GPHN: variants seen among roughly 807,000 people sequenced by gnomAD.
The protein encoded by GPHN is gephyrin.
Under a neutral mutation model 95.5 loss-of-function variants are expected in GPHN, and 17 were observed. The observed-to-expected ratio is 0.18, with a 90% CI of 0.12 to 0.27. The LOEUF (loss-of-function observed/expected upper bound fraction) is 0.27. Among genes scored for constraint, GPHN ranks in the 10% least tolerant of loss-of-function variants. The pLI is 1.00. For missense variants in GPHN, 660 were observed against 978.1 expected (o/e 0.67, Z 4.34); for synonymous variants, 320 against 322.5 (o/e 0.99, Z 0.08).
the GPHN span, among the ~76,000 whole-genome samples, chr14:67,325,926 A>G: frequency 6.7e-6 from 1 of 149,564 alleles, no homozygotes; most frequent in Non-Finnish European, 1.5e-5. Flanking sequence ...CTTCTGCCTC[A>G]GCCTCCCGAG....
chr14:66,712,139 A>G (rs1320105542), intron 2 of GPHN, among the ~76,000 whole-genome samples: 3 of 152,164 alleles, frequency 2.0e-5, no homozygotes, highest in Admixed American at 6.6e-5. Flanking sequence ...TGGTATTTCT[A>G]GTTCTAGATC....
intron 1 of GPHN, among the ~76,000 whole-genome samples, chr14:66,614,652 A>ATT (rs996243981): frequency 5.0e-4 from 75 of 149,894 alleles, no homozygotes; most frequent in Non-Finnish European, 7.1e-4. Flanking sequence ...AATAGTGCAT[A>ATT]TTTTTTGTCT....
intron 2 of GPHN, among the ~76,000 whole-genome samples, chr14:66,751,328 G>A (rs761869485): frequency 6.6e-6 from 1 of 151,902 alleles, no homozygotes; most frequent in African/African-American, 2.4e-5. Context: ...TAAGCATTCT[G>A]TTTTCTCTGC....
At chr14:67,323,615 A>AATATATATATATATATATAT in the GPHN span, 1,034 of 259,902 alleles carry the variant, frequency 4.0e-3, 7 homozygotes, top group Non-Finnish European at 5.3e-3. Flanking sequence ...CCCTTAATCT[A>AATATATATATATATATATAT]ATATATATAT....
chr14:67,344,808 G>A, the GPHN span, among the ~76,000 whole-genome samples: 1 of 151,846 alleles, frequency 6.6e-6, no homozygotes, highest in South Asian at 2.1e-4. Context: ...TTGAGCCCAG[G>A]AGATCCAGGC....
chr14:67,539,000 A>G, the GPHN span, among the ~76,000 whole-genome samples: 1 of 152,224 alleles, frequency 6.6e-6, no homozygotes, highest in African/African-American at 2.4e-5. Flanking sequence ...AGAGGGAATC[A>G]ATATTAATCA....
the GPHN span, chr14:67,722,504 T>C: frequency 5.0e-6 from 4 of 793,290 alleles, no homozygotes; most frequent in Non-Finnish European, 9.2e-6. Context: ...GTCAGGCTGC[T>C]GCTCAGCACC....
At chr14:67,215,513 AAAC>A in the GPHN span, among the ~76,000 whole-genome samples, 546 of 151,254 alleles carry the variant, frequency 3.6e-3, no homozygotes, top group Non-Finnish European at 6.6e-3. Flanking sequence ...AAAGATTAAA[AAAC>A]AACAACAACA....
At chr14:67,690,081 A>C in the GPHN span, 1 of 724,786 alleles carries the variant, frequency 1.4e-6, no homozygotes, top group South Asian at 1.8e-5. Context: ...TACTTACTAA[A>C]ACTGTACCCA....
At chr14:67,202,646 AG>A in the GPHN span, among the ~76,000 whole-genome samples, 7 of 152,298 alleles carry the variant, frequency 4.6e-5, no homozygotes, top group African/African-American at 1.4e-4. Context: ...TAAAGACTAA[AG>A]AATATTGCAT....
the GPHN span, among the ~76,000 whole-genome samples, chr14:67,322,835 TG>T: frequency 6.6e-6 from 1 of 152,232 alleles, no homozygotes; most frequent in Non-Finnish European, 1.5e-5. Context: ...ATCTCCATTT[TG>T]ATAGAGCGTG....
chr14:66,810,926 C>T (rs2060735019), intron 3 of GPHN, among the ~76,000 whole-genome samples: 1 of 152,168 alleles, frequency 6.6e-6, no homozygotes, highest in Admixed American at 6.5e-5. Flanking sequence ...TTCTACTTCC[C>T]TGCCTTACAG....
intron 18 of GPHN, among the ~76,000 whole-genome samples, chr14:67,153,799 TTTC>T (rs2081422423): frequency 1.3e-5 from 2 of 152,182 alleles, no homozygotes; most frequent in South Asian, 4.1e-4. Flanking sequence ...TCCATTCATT[TTTC>T]TTCTTCTCAT....
At chr14:66,539,609 TGG>T (rs10560021) in intron 1 of GPHN, among the ~76,000 whole-genome samples, 49,632 of 151,554 alleles carry the variant, frequency 0.33, 11,960 homozygotes, top group African/African-American at 0.66. Context: ...AGACGGGTGT[TGG>T]TCAGGCTTCG....
intron 2 of GPHN, among the ~76,000 whole-genome samples, chr14:66,684,754 T>C (rs1048558014): frequency 6.6e-6 from 1 of 152,156 alleles, no homozygotes; most frequent in African/African-American, 2.4e-5. Context: ...TTTTCTTTTT[T>C]TTTTTTCTTC....
intron 8 of GPHN, among the ~76,000 whole-genome samples, chr14:66,928,390 GA>G (rs2066603703): frequency 6.6e-6 from 1 of 151,966 alleles, no homozygotes; most frequent in South Asian, 2.1e-4. Context: ...TTTCATCTCT[GA>G]TTTTATTTAT....
At position 66,959,943 on chromosome 14, in the gene GPHN, C is replaced by T. The variant is rs146339240; in HGVS notation, c.829-5248C>T. 3.5e-3 allele frequency among the ~76,000 whole-genome samples: 526 copies of T among 151,708 alleles called. 2 individuals carry two copies. The highest frequency in any genetic ancestry group is 0.012 in the African/African-American group (503 of 41,388). On this transcript the variant is annotated intron_variant, in intron 8 of 22. Coordinates refer to ENST00000478722, the MANE Select transcript of GPHN (RefSeq NM_020806.5). ...TTATTTAAGCCATGTTGTTATTTTC[C>T]TTTATTTTTTTTCTTTCTGATCCTC...
chr14:66,789,097 A>G (rs369033459), intron 3 of GPHN, among the ~76,000 whole-genome samples: 36 of 152,348 alleles, frequency 2.4e-4, no homozygotes, highest in African/African-American at 7.2e-4. Context: ...TGTTCAATTT[A>G]TGGAAAAACT....
intron 11 of GPHN, among the ~76,000 whole-genome samples, chr14:67,085,205 A>G (rs2076836327): frequency 6.6e-6 from 1 of 152,248 alleles, no homozygotes; most frequent in Admixed American, 6.5e-5. Context: ...AAGTTTTTAG[A>G]TTCCAGAATC....
Sources: gnomAD v4.1 joint callset for allele counts (sites outside exome capture counted in the v4.1 genomes callset) on GRCh38, gnomAD v4.1.1 for gene constraint, MANE v1.5 for transcripts, NCBI Gene and HGNC (gene_info 2026-07-23, HGNC 2026-07-21) for gene names.